Variants in LINGO2 observed in about 807,000 individuals in gnomAD.
LINGO2 encodes the protein leucine-rich repeat and immunoglobulin-like domain-containing nogo receptor-interacting protein 2.
LINGO2 carries 14 observed loss-of-function variants against 30.6 expected under a neutral mutation model. The observed-to-expected ratio is 0.46, with a 90% CI of 0.30 to 0.72. LINGO2 has a LOEUF of 0.72. Ranked by LOEUF, LINGO2 falls within the 30% of genes least tolerant of loss-of-function variation. LINGO2 has a pLI of 0.07. For missense variants in LINGO2, 729 were observed against 751.7 expected (o/e 0.97, Z 0.35); for synonymous variants, 317 against 288.5 (o/e 1.10, Z -1.00).
intron 3 of LINGO2, among the ~76,000 whole-genome samples, chr9:28,317,825 C>T (rs1480247481): frequency 6.6e-6 from 1 of 152,148 alleles, no homozygotes; most frequent in East Asian, 1.9e-4. Flanking sequence ...ATTTAAGTCA[C>T]AGTTCTGTCT....
the LINGO2 span, among the ~76,000 whole-genome samples, chr9:28,937,349 C>G: frequency 6.6e-6 from 1 of 152,086 alleles, no homozygotes; most frequent in Non-Finnish European, 1.5e-5. Context: ...ACCTGCGAAA[C>G]CTAACAAGGT....
chr9:28,246,388 C>T (rs1227943136), intron 4 of LINGO2, among the ~76,000 whole-genome samples: 1 of 152,098 alleles, frequency 6.6e-6, no homozygotes, highest in African/African-American at 2.4e-5. Flanking sequence ...GATCTTGCCA[C>T]TGCACTCCAG....
At chr9:27,968,549 G>T (rs1480882359) in intron 5 of LINGO2, among the ~76,000 whole-genome samples, 1 of 151,914 alleles carries the variant, frequency 6.6e-6, no homozygotes, top group African/African-American at 2.4e-5. Flanking sequence ...GTGTTAGATT[G>T]TGCTATAGGT....
chr9:28,052,209 T>C (rs574276216), intron 4 of LINGO2, among the ~76,000 whole-genome samples: 32 of 152,236 alleles, frequency 2.1e-4, no homozygotes, highest in South Asian at 1.0e-3. Context: ...AAAATATTCC[T>C]ATGGCAACTT....
At chr9:28,188,045 G>A (rs984175241) in intron 4 of LINGO2, among the ~76,000 whole-genome samples, 5 of 152,090 alleles carry the variant, frequency 3.3e-5, no homozygotes, top group Admixed American at 6.6e-5. Context: ...GAATAGGCTC[G>A]TTAATCCTTT....
chr9:28,880,755 C>T, the LINGO2 span, among the ~76,000 whole-genome samples: 1 of 152,126 alleles, frequency 6.6e-6, no homozygotes, highest in Non-Finnish European at 1.5e-5. Context: ...GTATAAAACC[C>T]GATTGTACAT....
the LINGO2 span, among the ~76,000 whole-genome samples, chr9:28,773,470 T>G: frequency 6.6e-6 from 1 of 151,638 alleles, no homozygotes; most frequent in Admixed American, 6.6e-5. Context: ...AGGAAAAAAA[T>G]TAGTGGGATG....
the LINGO2 span, among the ~76,000 whole-genome samples, chr9:29,172,407 T>A: frequency 6.6e-6 from 1 of 151,854 alleles, no homozygotes; most frequent in Non-Finnish European, 1.5e-5. Flanking sequence ...TTAAAACTCG[T>A]TTAAATTAAT....
exon 6 of LINGO2, chr9:27,949,194 G>T (rs1395494045): frequency 3.7e-5 from 59 of 1,613,942 alleles, no homozygotes; most frequent in Non-Finnish European, 5.0e-5. Flanking sequence ...GGCTGTGAAG[G>T]TATCATTCCC....
the LINGO2 span, among the ~76,000 whole-genome samples, chr9:28,919,364 C>A: frequency 6.6e-6 from 1 of 152,276 alleles, no homozygotes; most frequent in Admixed American, 6.5e-5. Context: ...GGCAAACCTA[C>A]ATGCCAGTCC....
chr9:29,073,719 C>T, the LINGO2 span, among the ~76,000 whole-genome samples: 4,611 of 152,214 alleles, frequency 0.03, 235 homozygotes, highest in African/African-American at 0.1. Context: ...GAGATTCCAA[C>T]TCTTAGTTTA....
the LINGO2 span, among the ~76,000 whole-genome samples, chr9:28,707,511 C>G: frequency 2.0e-5 from 3 of 152,070 alleles, no homozygotes; most frequent in African/African-American, 7.2e-5. Flanking sequence ...GAATTCAAAA[C>G]AAAACAAAAC....
the LINGO2 span, among the ~76,000 whole-genome samples, chr9:29,136,048 A>G: frequency 5.3e-5 from 8 of 152,242 alleles, no homozygotes; most frequent in African/African-American, 1.9e-4. Context: ...TCTCCCAATT[A>G]TCACAGTTTG....
At chr9:29,063,377 C>A in the LINGO2 span, among the ~76,000 whole-genome samples, 1 of 151,208 alleles carries the variant, frequency 6.6e-6, no homozygotes, top group African/African-American at 2.4e-5. Flanking sequence ...CAGTGAGAAA[C>A]TTTTAGTCCT....
At chr9:28,717,429 A>T in the LINGO2 span, among the ~76,000 whole-genome samples, 2 of 152,046 alleles carry the variant, frequency 1.3e-5, no homozygotes, top group African/African-American at 4.8e-5. Flanking sequence ...CAATAGCTGA[A>T]ATTTGGTAGG....
intron 1 of LINGO2, among the ~76,000 whole-genome samples, chr9:28,607,362 A>G (rs546443819): frequency 6.6e-6 from 1 of 152,092 alleles, no homozygotes; most frequent in South Asian, 2.1e-4. Flanking sequence ...ATCATGTTGG[A>G]ATATACAGGA....
the LINGO2 span, among the ~76,000 whole-genome samples, chr9:28,846,495 G>T: frequency 7.1e-6 from 1 of 140,156 alleles, no homozygotes; most frequent in African/African-American, 2.8e-5. Flanking sequence ...ATATTAGATG[G>T]AAGTGGGTGT....
chr9:28,079,720 T>C (rs1825722059), intron 4 of LINGO2, among the ~76,000 whole-genome samples: 2 of 152,196 alleles, frequency 1.3e-5, no homozygotes, highest in Admixed American at 1.3e-4. Flanking sequence ...TGATCTCATT[T>C]ATTTCCAAGG....
chr9:28,042,448 CTT>C (rs571887396), intron 4 of LINGO2, among the ~76,000 whole-genome samples: 160 of 152,258 alleles, frequency 1.1e-3, no homozygotes, highest in African/African-American at 3.8e-3. Context: ...TGAGCTATGT[CTT>C]TGACTGTCAT....
Sources: allele counts gnomAD v4.1 joint callset (sites outside exome capture counted in the v4.1 genomes callset), GRCh38; gene constraint gnomAD v4.1.1; transcripts MANE v1.5; gene names NCBI Gene and HGNC (gene_info 2026-07-23, HGNC 2026-07-21).